Variants in MAP3K1 observed in about 807,000 individuals in gnomAD.
MAP3K1 encodes MAP/ERK kinase kinase 1.
Under a neutral mutation model 144.2 loss-of-function variants are expected in MAP3K1, and 36 were observed. The ratio of observed to expected loss-of-function variants is 0.25; its 90% CI spans 0.19 to 0.33. The LOEUF is 0.33. Among genes scored for constraint, MAP3K1 ranks in the 10% least tolerant of loss-of-function variants. The probability of loss-of-function intolerance (pLI) is 1.00; values close to 1 mark genes in which losing one functional copy is unlikely to be tolerated. For synonymous variants in MAP3K1, 718 were observed against 688.7 expected (o/e 1.04, Z -0.67); for missense variants, 1,650 against 1,881.9 (o/e 0.88, Z 2.28).
chr5:56,848,849 C>G (rs1747078818), intron 1 of MAP3K1, among the ~76,000 whole-genome samples: 2 of 152,064 alleles, frequency 1.3e-5, no homozygotes, highest in Admixed American at 6.5e-5. Context: ...GCTTATATGT[C>G]TTGTTTATAA....
At chr5:56,842,119 C>A (rs969161946) in intron 1 of MAP3K1, 1 of 152,184 alleles carries the variant, frequency 6.6e-6, no homozygotes, top group Non-Finnish European at 1.5e-5. Context: ...CCTTTGTCTT[C>A]TGGCTAGAGC....
chr5:56,853,296 C>CT (rs1747232695), intron 1 of MAP3K1, among the ~76,000 whole-genome samples: 1 of 152,040 alleles, frequency 6.6e-6, no homozygotes, highest in African/African-American at 2.4e-5. Flanking sequence ...AGGAAAAACA[C>CT]TTTGGTTTAT....
chr5:56,843,803 A>T (rs1377532107), intron 1 of MAP3K1, among the ~76,000 whole-genome samples: 1 of 152,190 alleles, frequency 6.6e-6, no homozygotes, highest in Non-Finnish European at 1.5e-5. Flanking sequence ...CACTACAGAC[A>T]TGCTAAATTT....
At chr5:56,863,887 A>G (rs1485247304) in intron 3 of MAP3K1, among the ~76,000 whole-genome samples, 1 of 152,158 alleles carries the variant, frequency 6.6e-6, no homozygotes, top group Admixed American at 6.5e-5. Flanking sequence ...GTATAGTGAG[A>G]GTGTTATATA....
Position 56,815,800 on chromosome 5 carries a change from A to C in MAP3K1, c.227A>C (p.Gln76Pro), listed in dbSNP as rs770708743. 2.1e-6 allele frequency: 3 copies of C among 1,423,988 alleles called. No individual in the cohort carries two copies. The South Asian group carries it at 4.2e-5, about 20-fold the overall frequency. 88.2% of individuals were successfully genotyped at this position (1,423,988 alleles called of 1,614,324 possible). Reference protein sequence around the residue: ...RSVELDQLPEQPLFLAASPPA... With the variant: ...RSVELDQLPEPPLFLAASPPA... Reference sequence around the variant, plus strand: ...GTGGAGCTGGACCAGCTGCCTGAGCAGCCGCTCTTCCTTGCCGCCTCACCG... The same window carrying C: ...GTGGAGCTGGACCAGCTGCCTGAGCCGCCGCTCTTCCTTGCCGCCTCACCG... Residue 76 changes from glutamine to proline, a missense_variant, in exon 1 of 20, where the codon CAG (glutamine) becomes CCG (proline). By Grantham distance (76) the Gln-to-Pro change is moderately conservative. Transcript: ENST00000399503.
chr5:56,851,606 T>G (rs1326899189), intron 1 of MAP3K1, among the ~76,000 whole-genome samples: 1 of 152,226 alleles, frequency 6.6e-6, no homozygotes, highest in Non-Finnish European at 1.5e-5. Flanking sequence ...CTTATTACCT[T>G]GCTCTGTTTC....
At chr5:56,830,723 A>C (rs186826986) in intron 1 of MAP3K1, among the ~76,000 whole-genome samples, 139 of 152,254 alleles carry the variant, frequency 9.1e-4, no homozygotes, top group Non-Finnish European at 1.6e-3. Context: ...TTTTACACCT[A>C]GTCTGACTTC....
intron 2 of MAP3K1, among the ~76,000 whole-genome samples, chr5:56,857,967 A>C (rs1747389838): frequency 6.6e-6 from 1 of 152,246 alleles, no homozygotes; most frequent in South Asian, 2.1e-4. Flanking sequence ...TTGTCTTTAC[A>C]GCTAAGTTTC....
At chr5:56,816,621 G>A (rs1003891124) in intron 1 of MAP3K1, among the ~76,000 whole-genome samples, 4 of 152,148 alleles carry the variant, frequency 2.6e-5, no homozygotes, top group Non-Finnish European at 4.4e-5. Flanking sequence ...CGAGTCCCTA[G>A]GCAGATACCG....
At chr5:56,865,213 TAATG>T (rs990112276) in intron 4 of MAP3K1, 123 bp from the exon 5 acceptor site, 13 of 678,806 alleles carry the variant, frequency 1.9e-5, no homozygotes, top group African/African-American at 1.8e-4. Context: ...TATACAAAGA[TAATG>T]AAGAATATGA....
rs529183663 is a variant in MAP3K1, at chr5:56,855,535, C to T, written c.483-1065C>T. Among the ~76,000 whole-genome samples, 90 of 152,208 alleles carry T rather than the reference C, an allele frequency of 5.9e-4. No individual in the cohort carries two copies. The South Asian group carries it at 0.017, about 29-fold the overall frequency. On this transcript the variant is annotated intron_variant, in intron 1 of 19. Coordinates refer to ENST00000399503, the MANE Select transcript of MAP3K1 (RefSeq NM_005921.2). ...TGATGCTTCAGTGAAACGGGTTAAC[C>T]GTTTCCTTTCTAGTGAATATTTTTT...
chr5:56,862,482 C>G (rs1747545777), intron 3 of MAP3K1, among the ~76,000 whole-genome samples: 1 of 152,124 alleles, frequency 6.6e-6, no homozygotes, highest in Non-Finnish European at 1.5e-5. Context: ...TTCCCCACAC[C>G]CCACCCCCAA....
rs1230149801 is a variant in MAP3K1, at chr5:56,865,022, T to A, written c.1035+88T>A. ...ATACTATAATGTTCTTAAATTTAGA[T>A]CAATTAATTCCCTATAGTAAACAAA... is the stretch of plus-strand genomic sequence containing the variant. On this transcript the variant is annotated intron_variant, in intron 4 of 19. Transcript: ENST00000399503. 4.1e-6 allele frequency: 5 copies of A among 1,207,164 alleles called. No homozygotes were observed. The Admixed American group carries it at 9.2e-5, about 22-fold the overall frequency. The allele number at this position is 1,207,164 out of a possible 1,614,324, so 74.8% of individuals were successfully genotyped here.
At chr5:56,854,619 T>C (rs1747281383) in intron 1 of MAP3K1, among the ~76,000 whole-genome samples, 1 of 151,950 alleles carries the variant, frequency 6.6e-6, no homozygotes, top group Non-Finnish European at 1.5e-5. Context: ...TTCAAACAAG[T>C]GGAAAGGAAA....
chr5:56,848,604 A>T (rs906744323), intron 1 of MAP3K1, among the ~76,000 whole-genome samples: 11 of 152,274 alleles, frequency 7.2e-5, no homozygotes, highest in African/African-American at 2.6e-4. Context: ...CTATTAATAC[A>T]TTGTCTTATT....
At chr5:56,822,735 T>G (rs961921371) in intron 1 of MAP3K1, among the ~76,000 whole-genome samples, 1 of 151,274 alleles carries the variant, frequency 6.6e-6, no homozygotes, top group Admixed American at 6.6e-5. Context: ...TGATCTCTCC[T>G]AAAGTCCAGA....
chr5:56,888,346 T>C lies in MAP3K1; in HGVS notation c.4378T>C (p.Leu1460=). Residue 1460 remains leucine, a synonymous_variant, in exon 19 of 20, where the codon TTG becomes CTG. Transcript: ENST00000399503. ...AGAAAAACACTCCAATCATCTTGCT[T>C]TGATATTTAAGGTAATTGTGAGATA... ...NAEKHSNHLA[L]IFKIASATTA... is the part of the protein sequence containing the mutation. 2 of 1,614,008 alleles carry C rather than the reference T, an allele frequency of 1.2e-6. No homozygotes were observed. Among genetic ancestry groups the C allele is most frequent in the Non-Finnish European group, 1.7e-6 (2 of 1,179,976 alleles).
chr5:56,865,694 G>T (rs913140705), intron 5 of MAP3K1, 135 bp from the exon 6 acceptor site: 3 of 921,992 alleles, frequency 3.3e-6, no homozygotes, highest in Middle Eastern at 2.5e-4. Context: ...ACTATAATGT[G>T]TTCTTATTTT....
chr5:56,832,405 T>C (rs1430162173), intron 1 of MAP3K1, among the ~76,000 whole-genome samples: 2 of 152,216 alleles, frequency 1.3e-5, no homozygotes, highest in East Asian at 1.9e-4. Flanking sequence ...ACTGTACTTA[T>C]CTGAAATGGC....
Sources: allele counts gnomAD v4.1 joint callset (sites outside exome capture counted in the v4.1 genomes callset), GRCh38; gene constraint gnomAD v4.1.1; transcripts MANE v1.5; gene names NCBI Gene and HGNC (gene_info 2026-07-23, HGNC 2026-07-21).